PIK3C3: variants seen among roughly 807,000 people sequenced by gnomAD.
The protein encoded by PIK3C3 is PI3-kinase type 3.
A neutral mutation model predicts 126.1 loss-of-function variants in PIK3C3; 95 were observed. The ratio of observed to expected loss-of-function variants is 0.75; its 90% CI spans 0.64 to 0.89. The LOEUF (loss-of-function observed/expected upper bound fraction) is 0.89. Among genes scored for constraint, PIK3C3 ranks in the 40% least tolerant of loss-of-function variants. The pLI is 0.00. For synonymous variants in PIK3C3, 374 were observed against 360.0 expected, an observed-to-expected ratio of 1.04 and a Z score of -0.44; for missense variants, 829 against 1,063.2, an observed-to-expected ratio of 0.78 and a Z score of 3.06.
intron 9 of PIK3C3, among the ~76,000 whole-genome samples, chr18:42,001,825 G>T (rs1328944955): frequency 2.0e-5 from 3 of 152,190 alleles, no homozygotes; most frequent in African/African-American, 7.2e-5. Context: ...TAAGACTGCT[G>T]ATGTACTGTG....
intron 3 of PIK3C3, among the ~76,000 whole-genome samples, chr18:41,968,281 A>G (rs764728250): frequency 6.6e-5 from 10 of 152,182 alleles, no homozygotes; most frequent in African/African-American, 1.4e-4. Context: ...ATTTAAGGAT[A>G]TTTATTTAAA....
chr18:41,982,199 C>T (rs185392678), intron 4 of PIK3C3, among the ~76,000 whole-genome samples: 1 of 152,102 alleles, frequency 6.6e-6, no homozygotes, highest in Non-Finnish European at 1.5e-5. Context: ...GGCCTTTAAC[C>T]TGAGGGAGTT....
At chr18:42,009,563 T>C (rs1448523234) in intron 10 of PIK3C3, among the ~76,000 whole-genome samples, 4 of 152,136 alleles carry the variant, frequency 2.6e-5, no homozygotes, top group Non-Finnish European at 5.9e-5. Flanking sequence ...ATATAGTAAA[T>C]TATACTGTAG....
chr18:41,969,918 T>C (rs745681771), intron 3 of PIK3C3, among the ~76,000 whole-genome samples: 1 of 152,228 alleles, frequency 6.6e-6, no homozygotes, highest in Non-Finnish European at 1.5e-5. Context: ...TCTACTGTAA[T>C]GTCATTTAAA....
At chr18:41,971,528 C>G (rs1299005060) in intron 4 of PIK3C3, 2 of 151,932 alleles carry the variant, frequency 1.3e-5, no homozygotes, top group Non-Finnish European at 1.5e-5. Flanking sequence ...ATTTAATATT[C>G]ATTTCTTCTA....
At chr18:42,042,322 T>G (rs1984358518) in intron 19 of PIK3C3, among the ~76,000 whole-genome samples, 1 of 152,228 alleles carries the variant, frequency 6.6e-6, no homozygotes, top group Non-Finnish European at 1.5e-5. Flanking sequence ...TTTCTCCAGA[T>G]TTTTTCTGTG....
At chr18:41,984,779 A>G (rs1001344774) in intron 4 of PIK3C3, 2 of 152,202 alleles carry the variant, frequency 1.3e-5, no homozygotes, top group Admixed American at 6.6e-5. Context: ...GCGCTGTGCT[A>G]GCTAGTCTCT....
At chr18:42,032,109 G>C (rs184742869) in intron 15 of PIK3C3, among the ~76,000 whole-genome samples, 52 of 152,334 alleles carry the variant, frequency 3.4e-4, no homozygotes, top group Admixed American at 1.2e-3. Context: ...CTGAGAAATT[G>C]ACATTTGAAC....
At chr18:41,959,408 G>A (rs1158367353) in intron 2 of PIK3C3, among the ~76,000 whole-genome samples, 1 of 151,952 alleles carries the variant, frequency 6.6e-6, no homozygotes, top group Non-Finnish European at 1.5e-5. Context: ...AATTTTTAAC[G>A]TTTGTAGTTT....
intron 2 of PIK3C3, among the ~76,000 whole-genome samples, chr18:41,961,450 T>C (rs1980080584): frequency 6.6e-6 from 1 of 152,212 alleles, no homozygotes; most frequent in South Asian, 2.1e-4. Flanking sequence ...AAGTATTTCA[T>C]AGAAGAAAAG....
At chr18:42,011,574 A>G (rs999818304) in intron 10 of PIK3C3, among the ~76,000 whole-genome samples, 2 of 152,138 alleles carry the variant, frequency 1.3e-5, no homozygotes, top group African/African-American at 4.8e-5. Flanking sequence ...TACCCAGACC[A>G]CCAAAACTTC....
chr18:42,087,821 A>G lies in PIK3C3; in HGVS notation c.*6684A>G, dbSNP rs1331874733. The G allele has an allele frequency of 6.6e-6, 1 of 152,220 alleles. No homozygotes were observed. Among genetic ancestry groups the G allele is most frequent in the Non-Finnish European group, 1.5e-5 (1 of 68,032 alleles). The allele number at this position is 152,220 out of a possible 1,614,324, so 9.4% of individuals were successfully genotyped here. Reference sequence around the variant, plus strand: ...TGTCTAATTCAATAAATGTTTCATAAATGAGTAAATGAATGTTTTAATTTC... The same window carrying G: ...TGTCTAATTCAATAAATGTTTCATAGATGAGTAAATGAATGTTTTAATTTC... On this transcript the variant is annotated 3_prime_UTR_variant, in exon 25 of 25. Coordinates refer to ENST00000262039, the MANE Select transcript of PIK3C3 (RefSeq NM_002647.4).
At chr18:41,959,647 G>T (rs1424097104) in intron 2 of PIK3C3, among the ~76,000 whole-genome samples, 1 of 151,962 alleles carries the variant, frequency 6.6e-6, no homozygotes, top group Non-Finnish European at 1.5e-5. Flanking sequence ...TACAAAAATT[G>T]CCTGGACATG....
At chr18:42,005,711 T>C (rs188180318) in intron 10 of PIK3C3, among the ~76,000 whole-genome samples, 62 of 152,202 alleles carry the variant, frequency 4.1e-4, no homozygotes, top group African/African-American at 1.4e-3. Flanking sequence ...GACAGTGAGA[T>C]CATTTTGAAT....
Position 42,079,505 on chromosome 18 carries a change from G to A in PIK3C3, c.2650-1618G>A, listed in dbSNP as rs143214853. Among the ~76,000 whole-genome samples the A allele has an allele frequency of 7.9e-5, 12 of 152,108 alleles. No individual in the cohort carries two copies. In the East Asian group the frequency reaches 2.3e-3, roughly 29 times the overall value. On this transcript the variant is annotated intron_variant, in intron 24 of 24. Coordinates refer to ENST00000262039, the MANE Select transcript of PIK3C3 (RefSeq NM_002647.4). ...CCAAACTATGACACAGAGACACAAAGTGAACATAAGCTGTTGGAAAAAATG... is the reference window on the plus strand; with the variant it reads ...CCAAACTATGACACAGAGACACAAAATGAACATAAGCTGTTGGAAAAAATG...
intron 20 of PIK3C3, among the ~76,000 whole-genome samples, chr18:42,048,461 A>T (rs1984653728): frequency 6.6e-6 from 1 of 152,198 alleles, no homozygotes. Context: ...CAGCCCAGTG[A>T]CTTTGAACAA....
chr18:42,062,322 C>T (rs58969531), intron 22 of PIK3C3, among the ~76,000 whole-genome samples: 33,839 of 151,348 alleles, frequency 0.22, 4,327 homozygotes, highest in South Asian at 0.39. Flanking sequence ...AGTGGATCAT[C>T]TCTATTTCCA....
intron 12 of PIK3C3, among the ~76,000 whole-genome samples, chr18:42,016,671 A>G (rs1983088697): frequency 6.6e-6 from 1 of 152,160 alleles, no homozygotes; most frequent in South Asian, 2.1e-4. Flanking sequence ...AGTAGCAAGT[A>G]TAGAGGTCCT....
chr18:42,023,384 A>G (rs1983412395), intron 13 of PIK3C3, among the ~76,000 whole-genome samples: 1 of 152,268 alleles, frequency 6.6e-6, no homozygotes, highest in African/African-American at 2.4e-5. Context: ...TTTCCAACAT[A>G]GCAGCTGCTT....
Sources: allele counts gnomAD v4.1 joint callset (sites outside exome capture counted in the v4.1 genomes callset), GRCh38; gene constraint gnomAD v4.1.1; transcripts MANE v1.5; gene names NCBI Gene and HGNC (gene_info 2026-07-23, HGNC 2026-07-21).